Variants in RTEL1 observed in about 807,000 individuals in gnomAD.
RTEL1 encodes regulator of telomere length.
RTEL1 carries 86 observed loss-of-function variants against 162.2 expected under a neutral mutation model. The observed-to-expected ratio is 0.53, with a 90% CI of 0.45 to 0.63. The LOEUF is 0.63. Among genes scored for constraint, RTEL1 ranks in the 30% least tolerant of loss-of-function variants. The pLI is 0.00. For missense variants in RTEL1, 1,941 were observed against 1,750.2 expected, an observed-to-expected ratio of 1.11 and a Z score of -1.95; for synonymous variants, 958 against 717.9, an observed-to-expected ratio of 1.33 and a Z score of -5.35.
intron 10 of RTEL1, among the ~76,000 whole-genome samples, chr20:63,677,327 A>G (rs1233315952): frequency 1.3e-5 from 2 of 152,194 alleles, no homozygotes; most frequent in Non-Finnish European, 2.9e-5. Context: ...TCTAAAGGTC[A>G]AACACCCGGC....
At position 63,696,030 on chromosome 20, in the gene RTEL1, C is replaced by A. The variant is rs537795176; in HGVS notation, c.*172C>A. 352 of 643,174 alleles carry A rather than the reference C, an allele frequency of 5.5e-4. 2 individuals are homozygous for A. In the African/African-American group the frequency reaches 5.9e-3, roughly 11 times the overall value. 39.8% of individuals were successfully genotyped at this position (643,174 alleles called of 1,614,324 possible). ...GTTGGTCCCTGCGGTGGGACCGGAT[C>A]TGGGCCTGCCTCTGAGAAGCCCTGA... On this transcript the variant is annotated 3_prime_UTR_variant, in exon 35 of 35. Coordinates refer to ENST00000360203, the MANE Select transcript of RTEL1 (RefSeq NM_001283009.2).
In RTEL1 at chr20:63,689,487, T is replaced by TGGTGTGTCCCC. The variant is rs1403803823; in HGVS notation, c.1879-14_1879-4dup. On this transcript the variant is annotated splice_polypyrimidine_tract_variant and intron_variant, in intron 22 of 34. Transcript: ENST00000360203. ...GCCCCCACGGCCCCAGGCAGCTCCCTGGTGTGTCCCCTAGGCCAGCGAGGG... is the reference window on the plus strand; with the variant it reads ...GCCCCCACGGCCCCAGGCAGCTCCCTGGTGTGTCCCCGGTGTGTCCCCTAGGCCAGCGAGGG... 6.4e-7 allele frequency: 1 copy of TGGTGTGTCCCC among 1,565,814 alleles called. No individual in the cohort carries two copies. Among genetic ancestry groups the TGGTGTGTCCCC allele is most frequent in the East Asian group, 2.3e-5 (1 of 43,790 alleles).
Position 63,691,823 on chromosome 20 carries a change from C to T in RTEL1, c.2638C>T (p.Leu880=), listed in dbSNP as rs376204071. 6.2e-7 allele frequency: 1 copy of T among 1,611,210 alleles called. No individual in the cohort carries two copies. The change falls in exon 28 of 35, where the codon CTG becomes TTG. Residue 880 remains leucine (L), a synonymous_variant. Coordinates refer to ENST00000360203, the MANE Select transcript of RTEL1 (RefSeq NM_001283009.2). ...EPRGGRKKIR[L]VSHPEEPVAG... ...GCGAGGAGGGAGGAAGAAGATCCGGCTGGTCAGCCACCCGGTGCGTGAGCT... is the reference window on the plus strand; with the variant it reads ...GCGAGGAGGGAGGAAGAAGATCCGGTTGGTCAGCCACCCGGTGCGTGAGCT...
rs116495318 is a variant in RTEL1, at chr20:63,678,321, G to A, written c.1012G>A (p.Asp338Asn). 25 of 1,612,802 alleles carry A rather than the reference G, an allele frequency of 1.6e-5. No individual in the cohort carries two copies. Among genetic ancestry groups the A allele is most frequent in the African/African-American group, 9.3e-5 (7 of 74,912 alleles). ...AIDAVELPGD[D>N]SGVTKPGSYI... ...CGATGCTGTTGAGCTGCCTGGAGAC[G>A]ACAGCGGTGTCACCAAGCCAGGGAG... Residue 338 changes from aspartate (D) to asparagine (N), a missense_variant, in exon 12 of 35, where the codon GAC (aspartate) becomes AAC (asparagine). Asp to Asn is a conservative substitution (Grantham distance 23). Coordinates refer to ENST00000360203, the MANE Select transcript of RTEL1 (RefSeq NM_001283009.2).
chr20:63,692,960 C>T lies in RTEL1; in HGVS notation c.2808C>T (p.Gly936=), dbSNP rs774750824. The T allele has an allele frequency of 1.1e-5, 18 of 1,612,640 alleles. No homozygotes were observed. Among genetic ancestry groups the T allele is most frequent in the South Asian group, 3.3e-5 (3 of 91,086 alleles). The change falls in exon 29 of 35, where the codon GGC becomes GGT. Residue 936 remains glycine, a synonymous_variant. Coordinates refer to ENST00000360203, the MANE Select transcript of RTEL1 (RefSeq NM_001283009.2). ...TCGCCGCCCTGGCCGCCTGTCTCGG[C>T]CCCCTCTTTGCTGAGGACCCCAAGA... ...DDFAALAACL[G]PLFAEDPKKH...
At chr20:63,694,700 C>T in intron 31 of RTEL1, 41 bp from the exon 32 acceptor site, 1 of 1,511,110 alleles carries the variant, frequency 6.6e-7, no homozygotes, top group South Asian at 1.2e-5. Flanking sequence ...TCTCAGTCCT[C>T]CACCCCAGCG....
At chr20:63,662,248 C>T in intron 4 of RTEL1, 1 of 630,580 alleles carries the variant, frequency 1.6e-6, no homozygotes. Context: ...TGCAGCTTTG[C>T]ACATGAAGTA....
chr20:63,695,844 C>A lies in RTEL1; in HGVS notation c.3889C>A (p.Pro1297Thr). The change falls in exon 35 of 35, where the codon CCA (proline) becomes ACA (threonine). Residue 1297 changes from proline to threonine, a missense_variant. Coordinates refer to ENST00000360203, the MANE Select transcript of RTEL1 (RefSeq NM_001283009.2). ...RKQSVMQVFW[P>T]EPQ ...GCAGAGCGTCATGCAGGTCTTCTGG[C>A]CAGAGCCCCAGTGAGTGCCCACGGA... 1 of 1,592,478 alleles carries A rather than the reference C, an allele frequency of 6.3e-7. No individual in the cohort carries two copies.
chr20:63,685,514 G>A lies in RTEL1; in HGVS notation c.1192-9G>A. The A allele has an allele frequency of 6.2e-7, 1 of 1,605,954 alleles. No homozygotes were observed. The highest frequency in any genetic ancestry group is 8.5e-7 in the Non-Finnish European group (1 of 1,179,692). On this transcript the variant is annotated splice_polypyrimidine_tract_variant and intron_variant, in intron 14 of 34. Coordinates refer to ENST00000360203, the MANE Select transcript of RTEL1 (RefSeq NM_001283009.2). ...CTCCTGACGGGGCTGCACTTCCTCTGCCTTTCAGATTGTGTTCAGTGTGGA... is the reference window on the plus strand; with the variant it reads ...CTCCTGACGGGGCTGCACTTCCTCTACCTTTCAGATTGTGTTCAGTGTGGA...
rs1226404971 is a variant in RTEL1 at position 63,667,498 on chromosome 20, T to C, written c.644T>C (p.Leu215Pro). 1 of 1,613,818 alleles carries C rather than the reference T, an allele frequency of 6.2e-7. No individual in the cohort carries two copies. Among genetic ancestry groups the C allele is most frequent in the Non-Finnish European group, 8.5e-7 (1 of 1,179,782 alleles). Reference protein sequence around the residue: ...RVCPYYLSRNLKQQADIIFMP... With the variant: ...RVCPYYLSRNPKQQADIIFMP... The stretch of plus-strand genomic sequence containing the variant: ...TGCCCTTACTACCTGTCCCGGAACC[T>C]GAAGCAGCAAGCCGACATCATATTC... Residue 215 changes from leucine to proline, a missense_variant, in exon 8 of 35, where the codon CTG becomes CCG. By Grantham distance (98) the Leu-to-Pro change is moderately conservative. Coordinates refer to ENST00000360203, the MANE Select transcript of RTEL1 (RefSeq NM_001283009.2).
intron 16 of RTEL1, 41 bp from the exon 17 acceptor site, chr20:63,687,597 G>A (rs752726600): frequency 1.1e-5 from 18 of 1,565,326 alleles, no homozygotes; most frequent in Middle Eastern, 2.3e-4. Context: ...CCCCAGTCCC[G>A]TCCTCACACT....
intron 14 of RTEL1, among the ~76,000 whole-genome samples, chr20:63,683,427 A>C (rs2090518173): frequency 6.6e-6 from 1 of 152,206 alleles, no homozygotes; most frequent in African/African-American, 2.4e-5. Context: ...GACAGTGAAA[A>C]TGGCTGGGAA....
intron 7 of RTEL1, among the ~76,000 whole-genome samples, chr20:63,666,452 A>G (rs574319849): frequency 1.3e-5 from 2 of 152,346 alleles, no homozygotes; most frequent in South Asian, 2.1e-4. Context: ...TCTTTTGAGG[A>G]CAGCAGATGT....
In RTEL1 at chr20:63,694,750, G is replaced by T. The variant is rs775476947; in HGVS notation, c.3119G>T (p.Gly1040Val). 2 of 1,603,426 alleles carry T rather than the reference G, an allele frequency of 1.2e-6. No homozygotes were observed. The highest frequency in any genetic ancestry group is 4.5e-5 in the East Asian group (2 of 44,646). ...GCTACTCCCACACCAGGAGACCCTG[G>T]CAGCCAACCACAGTGGGGGTCTGGA... ...SPRPPPTGDP[G>V]SQPQWGSGVP... The change falls in exon 32 of 35, where the codon GGC becomes GTC. Residue 1040 changes from glycine to valine, a missense_variant. Transcript: ENST00000360203.
rs745812301 is a variant in RTEL1, at chr20:63,667,569, T to C, written c.699+16T>C. ...GGATGCCAAGGTGGGGGCTCAGTCC[T>C]GTAGCTGACGACTCCTGATGTCCAG... On this transcript the variant is annotated intron_variant, in intron 8 of 34. Transcript: ENST00000360203. 1 of 1,602,988 alleles carries C rather than the reference T, an allele frequency of 6.2e-7. No homozygotes were observed. Among genetic ancestry groups the C allele is most frequent in the Non-Finnish European group, 8.5e-7 (1 of 1,170,120 alleles).
chr20:63,681,587 T>C, intron 14 of RTEL1: 1 of 985,308 alleles, frequency 1.0e-6, no homozygotes, highest in Non-Finnish European at 1.2e-6. Flanking sequence ...AACCCTGGGA[T>C]GCATGGCTGG....
chr20:63,694,833 C>G lies in RTEL1; in HGVS notation c.3202C>G (p.Arg1068Gly). 1 of 1,612,582 alleles carries G rather than the reference C, an allele frequency of 6.2e-7. No homozygotes were observed. The highest frequency in any genetic ancestry group is 8.5e-7 in the Non-Finnish European group (1 of 1,179,842). The change falls in exon 32 of 35, where the codon CGC becomes GGC. Residue 1068 changes from arginine to glycine, a missense_variant. Transcript: ENST00000360203. ...CGTGAGCGCCTACCTGGCTGATGCC[C>G]GCAGGGCCCTGGGGTCCGCGGGCTG... is the stretch of plus-strand genomic sequence containing the variant. ...HAVSAYLADA[R>G]RALGSAGCSQ...
chr20:63,661,291 C>G lies in RTEL1; in HGVS notation c.103-7C>G. 1.9e-6 allele frequency: 3 copies of G among 1,610,996 alleles called. No homozygotes were observed. The highest frequency in any genetic ancestry group is 2.2e-5 in the South Asian group (2 of 90,988). The stretch of plus-strand genomic sequence containing the variant: ...TCCCCGTAACCCTTGCTCCGAACTC[C>G]GTTCAGAAGGTGAATGGCATCCTGG... On this transcript the variant is annotated splice_region_variant and splice_polypyrimidine_tract_variant and intron_variant, in intron 2 of 34. Transcript: ENST00000360203. The surrounding 1 kb of genome is among the most constrained non-coding windows in gnomAD (Gnocchi z 5.1).
chr20:63,663,534 C>T (rs2090062572), intron 6 of RTEL1, among the ~76,000 whole-genome samples: 1 of 152,242 alleles, frequency 6.6e-6, no homozygotes, highest in Non-Finnish European at 1.5e-5. Flanking sequence ...GGTGCTTCTC[C>T]ACCCACGTGG....
Sources: allele counts gnomAD v4.1 joint callset (sites outside exome capture counted in the v4.1 genomes callset), GRCh38; gene constraint gnomAD v4.1.1; non-coding constraint Gnocchi (gnomAD v3.1); transcripts MANE v1.5; gene names NCBI Gene and HGNC (gene_info 2026-07-23, HGNC 2026-07-21).